Variants in GRID2 observed in about 807,000 individuals in gnomAD.
GRID2 encodes glutamate receptor ionotropic, delta-2.
In GRID2, 33 loss-of-function variants were observed where a neutral mutation model predicts 114.8. That is an observed-to-expected ratio of 0.29 (90% confidence interval 0.22 to 0.38). The LOEUF (loss-of-function observed/expected upper bound fraction) is 0.38. GRID2 is among the 10% of genes least tolerant of loss of function. GRID2 has a pLI of 1.00. For synonymous variants in GRID2, 505 were observed against 449.9 expected (o/e 1.12, Z -1.55); for missense variants, 1,184 against 1,257.7 (o/e 0.94, Z 0.89).
intron 2 of GRID2, among the ~76,000 whole-genome samples, chr4:93,031,526 TC>T (rs1724439147): frequency 6.6e-6 from 1 of 152,116 alleles, no homozygotes; most frequent in African/African-American, 2.4e-5. Flanking sequence ...CTCCCATAAT[TC>T]CTATGTGTCG....
intron 13 of GRID2, among the ~76,000 whole-genome samples, chr4:93,525,430 C>CT (rs1449169123): frequency 4.6e-5 from 7 of 152,212 alleles, no homozygotes; most frequent in Middle Eastern, 6.8e-3. Context: ...GGAACAAAGA[C>CT]ACCTACTGGG....
chr4:93,727,655 G>A (rs953380613), intron 14 of GRID2, among the ~76,000 whole-genome samples: 8 of 152,066 alleles, frequency 5.3e-5, no homozygotes, highest in African/African-American at 7.2e-5. Flanking sequence ...TTATTGCCTC[G>A]ATTTCAGATC....
intron 2 of GRID2, among the ~76,000 whole-genome samples, chr4:92,845,292 G>A (rs903154036): frequency 1.3e-5 from 2 of 152,106 alleles, no homozygotes; most frequent in African/African-American, 4.8e-5. Context: ...ATACAGAGCA[G>A]AAGCAGTAGC....
intron 14 of GRID2, among the ~76,000 whole-genome samples, chr4:93,714,792 AT>A (rs1157757838): frequency 6.6e-6 from 1 of 151,956 alleles, no homozygotes; most frequent in Non-Finnish European, 1.5e-5. Context: ...TATTTCTCTT[AT>A]AAATGTGTTT....
At chr4:92,950,234 A>G (rs1445577703) in intron 2 of GRID2, among the ~76,000 whole-genome samples, 1 of 152,126 alleles carries the variant, frequency 6.6e-6, no homozygotes, top group Non-Finnish European at 1.5e-5. Flanking sequence ...CAGGTGGTCT[A>G]ATTTTTGCCT....
chr4:93,455,783 T>C lies in GRID2; in HGVS notation c.1667T>C (p.Val556Ala), dbSNP rs773867969. 2 of 1,612,670 alleles carry C rather than the reference T, an allele frequency of 1.2e-6. No homozygotes were observed. Among genetic ancestry groups the C allele is most frequent in the Non-Finnish European group, 1.7e-6 (2 of 1,178,730 alleles). ...GVLLRRAEKT[V>A]DMFACLAPFD... ...CTACTTCGAAGGGCTGAAAAGACAG[T>C]GGATATGTTTGCCTGTCTTGCACCA... The change falls in exon 11 of 16, where the codon GTG (valine) becomes GCG (alanine). Residue 556 changes from valine (V) to alanine (A), a missense_variant. Val to Ala is a moderately conservative substitution (Grantham distance 64). This residue lies in a region of GRID2 where 717 missense variants were observed against 796.9 expected (regional missense o/e 0.90). Coordinates refer to ENST00000282020, the MANE Select transcript of GRID2 (RefSeq NM_001510.4).
chr4:93,485,742 CAACT>C (rs1392644421), intron 11 of GRID2, among the ~76,000 whole-genome samples: 1 of 151,802 alleles, frequency 6.6e-6, no homozygotes, highest in Admixed American at 6.6e-5. Flanking sequence ...TACAACTAAC[CAACT>C]GTCTTAATTA....
chr4:93,414,659 A>G (rs1004366019), intron 9 of GRID2, among the ~76,000 whole-genome samples: 1 of 147,376 alleles, frequency 6.8e-6, no homozygotes, highest in African/African-American at 2.5e-5. Context: ...TTCTCTTCAC[A>G]GCACCTATCA....
chr4:92,969,727 T>A (rs189854782), intron 2 of GRID2, among the ~76,000 whole-genome samples: 12 of 151,924 alleles, frequency 7.9e-5, no homozygotes, highest in Admixed American at 3.3e-4. Flanking sequence ...GTTTTTGACA[T>A]AGGATAATTA....
chr4:92,573,583 C>G (rs1322925686), intron 1 of GRID2, among the ~76,000 whole-genome samples: 1 of 152,134 alleles, frequency 6.6e-6, no homozygotes, highest in East Asian at 1.9e-4. Context: ...AAAAGTCATT[C>G]AGGAGCAGGT....
chr4:93,064,799 A>G (rs1413426858), intron 2 of GRID2, among the ~76,000 whole-genome samples: 2 of 151,992 alleles, frequency 1.3e-5, no homozygotes, highest in African/African-American at 4.8e-5. Context: ...GTATATTAGC[A>G]TATGTTTAAT....
chr4:92,601,719 C>T (rs1041971098), intron 2 of GRID2, among the ~76,000 whole-genome samples: 1 of 151,752 alleles, frequency 6.6e-6, no homozygotes. Context: ...AAAAACACTT[C>T]AAAAATAAAT....
intron 2 of GRID2, among the ~76,000 whole-genome samples, chr4:92,906,031 G>C (rs570918394): frequency 6.6e-6 from 1 of 152,064 alleles, no homozygotes; most frequent in Non-Finnish European, 1.5e-5. Context: ...AAATATTGGA[G>C]AGTTAATTTA....
At chr4:93,506,861 G>T (rs1728681967) in intron 12 of GRID2, among the ~76,000 whole-genome samples, 4 of 152,112 alleles carry the variant, frequency 2.6e-5, no homozygotes. Flanking sequence ...CTGTGTTGAG[G>T]AGGAAGAGAC....
intron 14 of GRID2, among the ~76,000 whole-genome samples, chr4:93,668,530 T>A (rs1724136695): frequency 6.6e-6 from 1 of 152,068 alleles, no homozygotes; most frequent in Non-Finnish European, 1.5e-5. Context: ...ATTGTATATG[T>A]GTATATGCTA....
At position 93,795,863 on chromosome 4, in the gene GRID2, C is replaced by G. The variant is rs542154580; in HGVS notation, c.222-10852C>G. 6.6e-5 allele frequency among the ~76,000 whole-genome samples: 10 copies of G among 152,250 alleles called. No homozygotes were observed. In the South Asian group the frequency reaches 2.1e-3, roughly 32 times the overall value. On this transcript the variant is annotated intron_variant, in intron 1 of 1. Coordinates refer to the GRID2 transcript ENST00000637838. The stretch of plus-strand genomic sequence containing the variant: ...GTATGAGGCAGTAAATGTACTGCAG[C>G]TAGTTGGGGAAAGCATTGAGGAGCG...
At chr4:92,337,222 A>C (rs930744823) in intron 1 of GRID2, among the ~76,000 whole-genome samples, 1 of 151,722 alleles carries the variant, frequency 6.6e-6, no homozygotes, top group Non-Finnish European at 1.5e-5. Context: ...TAATGTTTTT[A>C]ATTTTGGATT....
intron 1 of GRID2, among the ~76,000 whole-genome samples, chr4:92,581,908 C>T (rs1728201808): frequency 6.6e-6 from 1 of 152,068 alleles, no homozygotes; most frequent in South Asian, 2.1e-4. Flanking sequence ...CCTTTCTACA[C>T]TATATCATAA....
intron 1 of GRID2, among the ~76,000 whole-genome samples, chr4:92,354,217 G>A (rs149907832): frequency 1.3e-4 from 20 of 152,118 alleles, no homozygotes; most frequent in East Asian, 1.2e-3. Flanking sequence ...TGAGTGGGGC[G>A]AGGACAGATA....
Sources: gnomAD v4.1 joint callset for allele counts (sites outside exome capture counted in the v4.1 genomes callset) on GRCh38, gnomAD v4.1.1 for gene constraint, gnomAD v4.1.1 regional missense constraint, MANE v1.5 for transcripts, NCBI Gene and HGNC (gene_info 2026-07-23, HGNC 2026-07-21) for gene names.